MTHFD2L: variants seen among roughly 807,000 people sequenced by gnomAD.
The protein encoded by MTHFD2L is bifunctional methylenetetrahydrofolate dehydrogenase/cyclohydrolase 2, mitochondrial.
In MTHFD2L, 29 loss-of-function variants were observed where a neutral mutation model predicts 34.9. The ratio of observed to expected loss-of-function variants is 0.83; its 90% CI spans 0.62 to 1.13. MTHFD2L has a LOEUF of 1.13. Ranked by LOEUF, MTHFD2L falls within the 50% of genes most tolerant of loss-of-function variation. The pLI is 0.00. For missense variants in MTHFD2L, 481 were observed against 446.5 expected (o/e 1.08, Z -0.70); for synonymous variants, 167 against 155.7 (o/e 1.07, Z -0.54).
chr4:74,295,267 T>C (rs1360173935), intron 7 of MTHFD2L, among the ~76,000 whole-genome samples: 1 of 152,066 alleles, frequency 6.6e-6, no homozygotes, highest in Non-Finnish European at 1.5e-5. Flanking sequence ...CTCCATTATA[T>C]TAAATTTATT....
chr4:74,289,055 A>T (rs1357975683), intron 7 of MTHFD2L, among the ~76,000 whole-genome samples: 1 of 152,190 alleles, frequency 6.6e-6, no homozygotes, highest in Non-Finnish European at 1.5e-5. Context: ...GCTATGTGTC[A>T]GGCATTTTTA....
chr4:74,298,444 A>G (rs1456502687), intron 7 of MTHFD2L, among the ~76,000 whole-genome samples: 1 of 152,030 alleles, frequency 6.6e-6, no homozygotes, highest in Non-Finnish European at 1.5e-5. Context: ...TCCGGCGGAT[A>G]TTATTTCATG....
At chr4:74,285,247 G>C (rs1189007020) in intron 7 of MTHFD2L, among the ~76,000 whole-genome samples, 1 of 151,768 alleles carries the variant, frequency 6.6e-6, no homozygotes, top group African/African-American at 2.4e-5. Context: ...TGTAAATGAC[G>C]AGTTAATGGG....
intron 3 of MTHFD2L, among the ~76,000 whole-genome samples, chr4:74,199,315 C>A (rs1007630575): frequency 6.6e-6 from 1 of 151,802 alleles, no homozygotes; most frequent in African/African-American, 2.4e-5. Flanking sequence ...TTTGTTATGT[C>A]ATTTAAGAGG....
At chr4:74,124,385 A>G (rs894797703), upstream of MTHFD2L, among the ~76,000 whole-genome samples, 1 of 151,842 alleles carries the variant, frequency 6.6e-6, no homozygotes, top group Non-Finnish European at 1.5e-5. Flanking sequence ...TCCTATAAAT[A>G]ACATTATAGC....
chr4:74,176,205 C>T (rs973559466), intron 3 of MTHFD2L, among the ~76,000 whole-genome samples: 4 of 152,030 alleles, frequency 2.6e-5, no homozygotes, highest in South Asian at 4.1e-4. Context: ...TGCGTAACTA[C>T]GTCTCTCCAA....
chr4:74,193,193 A>G (rs559965374), intron 3 of MTHFD2L, among the ~76,000 whole-genome samples: 1 of 152,270 alleles, frequency 6.6e-6, no homozygotes, highest in Non-Finnish European at 1.5e-5. Flanking sequence ...CTAGCTGTTC[A>G]AGTACTATTT....
chr4:74,198,302 T>A (rs2110045860), intron 3 of MTHFD2L, among the ~76,000 whole-genome samples: 1 of 152,260 alleles, frequency 6.6e-6, no homozygotes, highest in Middle Eastern at 3.4e-3. Flanking sequence ...CAAAAAATGG[T>A]AGATGGCAAC....
chr4:74,215,968 GAA>G (rs201924757), intron 5 of MTHFD2L, among the ~76,000 whole-genome samples: 1 of 142,162 alleles, frequency 7.0e-6, no homozygotes, highest in African/African-American at 2.6e-5. Context: ...TTGTTAGCAG[GAA>G]AAAAAAAAAT....
intron 6 of MTHFD2L, among the ~76,000 whole-genome samples, chr4:74,257,027 A>G (rs563208355): frequency 5.5e-4 from 84 of 152,296 alleles, no homozygotes; most frequent in Admixed American, 1.2e-3. Context: ...AGGAATAGCA[A>G]TGAATCTGTA....
intron 2 of MTHFD2L, among the ~76,000 whole-genome samples, chr4:74,115,560 G>T (rs1721642830): frequency 6.6e-6 from 1 of 152,224 alleles, no homozygotes; most frequent in South Asian, 2.1e-4. Flanking sequence ...CCTTGAGGGG[G>T]TGCTCTGTCA....
chr4:74,163,553 T>C (rs1725926420), intron 1 of MTHFD2L, among the ~76,000 whole-genome samples: 1 of 152,264 alleles, frequency 6.6e-6, no homozygotes, highest in Non-Finnish European at 1.5e-5. Flanking sequence ...GATTTGCAGA[T>C]GTAATTTCTA....
At chr4:74,235,492 T>C (rs950813508) in intron 6 of MTHFD2L, among the ~76,000 whole-genome samples, 1 of 152,048 alleles carries the variant, frequency 6.6e-6, no homozygotes, top group African/African-American at 2.4e-5. Context: ...TATATTCAGG[T>C]GGAAAAGTCC....
intron 6 of MTHFD2L, among the ~76,000 whole-genome samples, chr4:74,249,263 G>A (rs914109149): frequency 6.0e-5 from 9 of 151,054 alleles, no homozygotes; most frequent in South Asian, 2.1e-4. Flanking sequence ...TTTGATCTTT[G>A]TTGGTTTAAA....
At chr4:74,139,456 A>T (rs1340938094) in intron 1 of MTHFD2L, among the ~76,000 whole-genome samples, 1 of 152,158 alleles carries the variant, frequency 6.6e-6, no homozygotes, top group Non-Finnish European at 1.5e-5. Flanking sequence ...TTCTCCCTTC[A>T]GACACTTGTG....
chr4:74,290,731 T>C (rs1270896153), intron 7 of MTHFD2L, among the ~76,000 whole-genome samples: 1 of 152,004 alleles, frequency 6.6e-6, no homozygotes, highest in Non-Finnish European at 1.5e-5. Context: ...AGTATACAAC[T>C]TCACGCTTCA....
At chr4:74,293,977 C>T (rs1323261850) in intron 7 of MTHFD2L, among the ~76,000 whole-genome samples, 1 of 152,064 alleles carries the variant, frequency 6.6e-6, no homozygotes, top group African/African-American at 2.4e-5. Context: ...GTTCTGCTGC[C>T]TTGCCACAGA....
intron 7 of MTHFD2L, chr4:74,293,569 A>T (rs1749271476): frequency 1.0e-6 from 1 of 966,648 alleles, no homozygotes; most frequent in South Asian, 4.8e-5. Flanking sequence ...GAATGTAAGA[A>T]GAAATATAGT....
chr4:74,223,719 A>G (rs951245775), intron 5 of MTHFD2L, among the ~76,000 whole-genome samples: 2 of 152,026 alleles, frequency 1.3e-5, no homozygotes, highest in African/African-American at 4.8e-5. Flanking sequence ...TTATTGGTAC[A>G]TTGCTAAGTT....
Sources: gnomAD v4.1 joint callset for allele counts (sites outside exome capture counted in the v4.1 genomes callset) on GRCh38, gnomAD v4.1.1 for gene constraint, MANE v1.5 for transcripts, NCBI Gene and HGNC (gene_info 2026-07-23, HGNC 2026-07-21) for gene names.